AKAP6: variants seen among roughly 807,000 people sequenced by gnomAD.
AKAP6 encodes the protein A-kinase anchoring protein 6.
Under a neutral mutation model 188.5 loss-of-function variants are expected in AKAP6, and 58 were observed. The observed-to-expected ratio is 0.31, with a 90% confidence interval of 0.25 to 0.38. The LOEUF (loss-of-function observed/expected upper bound fraction) is 0.38, where lower values mean the gene tolerates loss of function less well. Ranked by LOEUF, AKAP6 falls within the 10% of genes least tolerant of loss-of-function variation. AKAP6 has a pLI of 1.00. For missense variants in AKAP6, 2,710 were observed against 2,740.0 expected, an observed-to-expected ratio of 0.99 and a Z score of 0.24; for synonymous variants, 989 against 998.6, an observed-to-expected ratio of 0.99 and a Z score of 0.18.
intron 9 of AKAP6, among the ~76,000 whole-genome samples, chr14:32,718,015 C>T (rs570047025): frequency 1.3e-5 from 2 of 152,234 alleles, no homozygotes; most frequent in South Asian, 4.1e-4. Context: ...ACTTTATTTA[C>T]ATTATACTCT....
chr14:32,656,069 AAAGT>A (rs1466373242), intron 7 of AKAP6, among the ~76,000 whole-genome samples: 2 of 152,210 alleles, frequency 1.3e-5, no homozygotes, highest in African/African-American at 4.8e-5. Flanking sequence ...ATCTAGTGAT[AAAGT>A]AAGTATTAAA....
intron 3 of AKAP6, among the ~76,000 whole-genome samples, chr14:32,537,529 A>G (rs578161322): frequency 6.6e-6 from 1 of 152,196 alleles, no homozygotes; most frequent in Non-Finnish European, 1.5e-5. Context: ...TTAGATATCT[A>G]CCTGGCATCT....
intron 3 of AKAP6, among the ~76,000 whole-genome samples, chr14:32,537,207 A>T (rs1286443532): frequency 6.6e-6 from 1 of 152,210 alleles, no homozygotes; most frequent in Non-Finnish European, 1.5e-5. Context: ...AGTCTATAGG[A>T]ATCAAAATCG....
At chr14:32,812,965 G>C (rs2034275281) in intron 12 of AKAP6, among the ~76,000 whole-genome samples, 1 of 152,138 alleles carries the variant, frequency 6.6e-6, no homozygotes, top group South Asian at 2.1e-4. Flanking sequence ...GACATGAGCT[G>C]GGTGTTCTAC....
intron 9 of AKAP6, among the ~76,000 whole-genome samples, chr14:32,721,280 G>A (rs1306282363): frequency 6.6e-6 from 1 of 152,200 alleles, no homozygotes; most frequent in Non-Finnish European, 1.5e-5. Flanking sequence ...TCATAGCATG[G>A]AGGAGAAATT....
rs573362261 is a variant in AKAP6, at chr14:32,818,508, T to G, written c.3589-2894T>G. 2.7e-4 allele frequency among the ~76,000 whole-genome samples: 40 copies of G among 148,016 alleles called. No homozygotes were observed. The South Asian group carries it at 8.4e-3, about 31-fold the overall frequency. ...CACTTGACACAGGGAAAACTTGGGT[T>G]TTTTTTTTTTGTAACCGTGAAATTT... On this transcript the variant is annotated intron_variant, in intron 12 of 13. Coordinates refer to ENST00000280979, the MANE Select transcript of AKAP6 (RefSeq NM_004274.5).
intron 3 of AKAP6, among the ~76,000 whole-genome samples, chr14:32,540,154 CTCTCTCTCTCTCTCTATA>C (rs1287522817): frequency 2.0e-4 from 23 of 116,348 alleles, no homozygotes; most frequent in Non-Finnish European, 3.9e-4. Context: ...CTCTCTCTCT[CTCTCTCTCTCTCTCTATA>C]TATATATATA....
At chr14:32,811,736 G>T (rs1410681881) in intron 12 of AKAP6, among the ~76,000 whole-genome samples, 1 of 152,066 alleles carries the variant, frequency 6.6e-6, no homozygotes, top group African/African-American at 2.4e-5. Context: ...AACTGTAAAG[G>T]GCACGGTTCC....
At chr14:32,523,932 C>T (rs1318163406) in intron 2 of AKAP6, among the ~76,000 whole-genome samples, 2 of 152,078 alleles carry the variant, frequency 1.3e-5, no homozygotes, top group African/African-American at 4.8e-5. Flanking sequence ...TGGATTGCTT[C>T]ATGTGGCTTC....
chr14:32,357,639 T>C (rs1037697121), intron 1 of AKAP6, among the ~76,000 whole-genome samples: 4 of 152,230 alleles, frequency 2.6e-5, no homozygotes, highest in Admixed American at 2.6e-4. Context: ...TCTTGGCTGC[T>C]ACTAACACAT....
At chr14:32,448,741 G>T (rs1890837898) in intron 2 of AKAP6, among the ~76,000 whole-genome samples, 1 of 152,190 alleles carries the variant, frequency 6.6e-6, no homozygotes, top group African/African-American at 2.4e-5. Context: ...ATTCATGGGG[G>T]ACTCCAAGTT....
chr14:32,560,098 C>T (rs546392474), intron 4 of AKAP6, among the ~76,000 whole-genome samples: 1 of 151,968 alleles, frequency 6.6e-6, no homozygotes, highest in South Asian at 2.1e-4. Flanking sequence ...CAAATGTCTC[C>T]AAGGCATACA....
At chr14:32,544,510 T>C (rs1054933751) in intron 3 of AKAP6, among the ~76,000 whole-genome samples, 2 of 152,160 alleles carry the variant, frequency 1.3e-5, no homozygotes, top group East Asian at 1.9e-4. Context: ...TTATGAATAG[T>C]AAGAAAGATG....
intron 7 of AKAP6, among the ~76,000 whole-genome samples, chr14:32,626,060 A>T (rs1887009868): frequency 6.6e-6 from 1 of 152,150 alleles, no homozygotes; most frequent in Admixed American, 6.6e-5. Flanking sequence ...GTGGAGCCAC[A>T]GAGATGTTTT....
chr14:32,816,369 A>T (rs532641178), intron 12 of AKAP6, among the ~76,000 whole-genome samples: 68 of 152,142 alleles, frequency 4.5e-4, no homozygotes, highest in African/African-American at 1.3e-3. Flanking sequence ...ATTTTAAAAA[A>T]TTTTTACATT....
chr14:32,370,678 C>T (rs921283525), intron 1 of AKAP6, among the ~76,000 whole-genome samples: 23 of 152,116 alleles, frequency 1.5e-4, no homozygotes, highest in African/African-American at 5.3e-4. Context: ...ACACTGTAAA[C>T]AATGGAGTGG....
At chr14:32,713,517 G>A (rs757314711) in intron 9 of AKAP6, among the ~76,000 whole-genome samples, 11 of 151,284 alleles carry the variant, frequency 7.3e-5, no homozygotes, top group South Asian at 2.1e-4. Flanking sequence ...CTGTTATTTC[G>A]TGTGGCCACC....
intron 7 of AKAP6, among the ~76,000 whole-genome samples, chr14:32,676,562 T>C (rs1889435488): frequency 6.6e-6 from 1 of 152,206 alleles, no homozygotes; most frequent in African/African-American, 2.4e-5. Context: ...TATGACATTA[T>C]CCTTTGTTTA....
At chr14:32,420,123 T>A (rs1889792505) in intron 1 of AKAP6, among the ~76,000 whole-genome samples, 1 of 152,134 alleles carries the variant, frequency 6.6e-6, no homozygotes, top group South Asian at 2.1e-4. Flanking sequence ...TGAGGTTTCT[T>A]AACATACACA....
Sources: allele counts gnomAD v4.1 joint callset (sites outside exome capture counted in the v4.1 genomes callset), GRCh38; gene constraint gnomAD v4.1.1; transcripts MANE v1.5; gene names NCBI Gene and HGNC (gene_info 2026-07-23, HGNC 2026-07-21).